The following FIGN variants were observed in gnomAD, a reference collection of about 807,000 sequenced individuals.
FIGN encodes the protein fidgetin, microtubule severing factor.
Under a neutral mutation model 51.3 loss-of-function variants are expected in FIGN, and 11 were observed. The ratio of observed to expected loss-of-function variants is 0.21; its 90% CI spans 0.13 to 0.35. The LOEUF (loss-of-function observed/expected upper bound fraction) is 0.35. FIGN is among the 10% of genes least tolerant of loss of function. FIGN has a pLI of 1.00. For missense variants in FIGN, 857 were observed against 943.6 expected (o/e 0.91, Z 1.20); for synonymous variants, 407 against 363.2 (o/e 1.12, Z -1.37).
At chr2:163,662,404 A>C (rs1683704417) in intron 2 of FIGN, among the ~76,000 whole-genome samples, 1 of 152,252 alleles carries the variant, frequency 6.6e-6, no homozygotes, top group African/African-American at 2.4e-5. Flanking sequence ...AAAAGTTCAG[A>C]AAATTTGCAG....
At chr2:163,671,627 C>T (rs939407995) in intron 2 of FIGN, among the ~76,000 whole-genome samples, 1 of 152,132 alleles carries the variant, frequency 6.6e-6, no homozygotes, top group Admixed American at 6.5e-5. Flanking sequence ...TACCCATAAA[C>T]ATTTTCCAGA....
intron 2 of FIGN, among the ~76,000 whole-genome samples, chr2:163,732,773 C>T (rs1381306731): frequency 6.6e-6 from 1 of 152,176 alleles, no homozygotes; most frequent in East Asian, 1.9e-4. Context: ...TCAAAAACAT[C>T]AAAGCAGCTT....
At chr2:163,725,242 A>G (rs988826732) in intron 2 of FIGN, among the ~76,000 whole-genome samples, 48 of 152,154 alleles carry the variant, frequency 3.2e-4, no homozygotes, top group Non-Finnish European at 5.3e-4. Context: ...TCTTGCAGAC[A>G]AATATCAAAA....
At chr2:163,724,066 G>T (rs1684800912) in intron 2 of FIGN, among the ~76,000 whole-genome samples, 1 of 152,144 alleles carries the variant, frequency 6.6e-6, no homozygotes, top group African/African-American at 2.4e-5. Flanking sequence ...AAAACTGCAA[G>T]AAATCTTAGT....
intron 2 of FIGN, among the ~76,000 whole-genome samples, chr2:163,622,399 G>A (rs1682988620): frequency 6.6e-6 from 1 of 152,014 alleles, no homozygotes; most frequent in African/African-American, 2.4e-5. Flanking sequence ...GCATAAAGAT[G>A]TTGTTACTTC....
At chr2:163,659,295 C>A (rs1399338217) in intron 2 of FIGN, among the ~76,000 whole-genome samples, 3 of 152,096 alleles carry the variant, frequency 2.0e-5, no homozygotes, top group African/African-American at 7.2e-5. Flanking sequence ...GCACACTGTT[C>A]TATTATCATT....
intron 2 of FIGN, among the ~76,000 whole-genome samples, chr2:163,670,193 T>A (rs1326088273): frequency 6.6e-6 from 1 of 152,188 alleles, no homozygotes; most frequent in Non-Finnish European, 1.5e-5. Flanking sequence ...AAATTTTAGC[T>A]GCCACAAAGC....
intron 2 of FIGN, among the ~76,000 whole-genome samples, chr2:163,723,604 G>C (rs2105364576): frequency 6.6e-6 from 1 of 152,220 alleles, no homozygotes; most frequent in East Asian, 1.9e-4. Flanking sequence ...AACATGCCAG[G>C]AAGCAAAAAG....
At chr2:163,733,863 T>C in intron 2 of FIGN, among the ~76,000 whole-genome samples, 1 of 151,934 alleles carries the variant, frequency 6.6e-6, no homozygotes, top group East Asian at 1.9e-4. Flanking sequence ...CACTGTTATT[T>C]CTTTTTTCAT....
intron 2 of FIGN, among the ~76,000 whole-genome samples, chr2:163,648,003 G>GACAGACAT (rs1322502246): frequency 6.6e-6 from 1 of 152,052 alleles, no homozygotes; most frequent in East Asian, 1.9e-4. Context: ...GAGAGACAAA[G>GACAGACAT]ACAGACATAC....
At chr2:163,641,022 C>CA (rs987960916) in intron 2 of FIGN, among the ~76,000 whole-genome samples, 5 of 152,196 alleles carry the variant, frequency 3.3e-5, no homozygotes, top group African/African-American at 1.2e-4. Context: ...TTTACTCTGT[C>CA]AGAGGCAGCT....
chr2:163,622,521 A>G (rs1157269022), intron 2 of FIGN, among the ~76,000 whole-genome samples: 1 of 151,838 alleles, frequency 6.6e-6, no homozygotes, highest in Admixed American at 6.6e-5. Context: ...ATTTTAGAAG[A>G]CGGGGATATT....
At chr2:163,652,058 A>AT (rs1337147658) in intron 2 of FIGN, among the ~76,000 whole-genome samples, 2 of 152,160 alleles carry the variant, frequency 1.3e-5, no homozygotes, top group African/African-American at 4.8e-5. Flanking sequence ...AACTTTGTTA[A>AT]TGACTACTTG....
intron 2 of FIGN, among the ~76,000 whole-genome samples, chr2:163,628,395 A>C (rs1023353308): frequency 6.6e-6 from 1 of 152,146 alleles, no homozygotes; most frequent in Non-Finnish European, 1.5e-5. Context: ...CAGGTTCTGG[A>C]AGCAGAGTGG....
chr2:163,628,257 A>G (rs1205170622), intron 2 of FIGN, among the ~76,000 whole-genome samples: 1 of 152,158 alleles, frequency 6.6e-6, no homozygotes, highest in Non-Finnish European at 1.5e-5. Flanking sequence ...GTGGCTATAC[A>G]GAGGAGCTAA....
Position 163,670,022 on chromosome 2 carries a change from A to G in FIGN, c.26-58216T>C, listed in dbSNP as rs547514867. The stretch of plus-strand genomic sequence containing the variant: ...TCAATGAAGTATCTAAATAAAAAAC[A>G]AGAATTAATATTACAAGATTTATGT... On this transcript the variant is annotated intron_variant, in intron 2 of 2. Transcript: ENST00000333129. 2.0e-5 allele frequency among the ~76,000 whole-genome samples: 3 copies of G among 152,328 alleles called. No homozygotes were observed. In the East Asian group the frequency reaches 5.8e-4, roughly 29 times the overall value.
intron 2 of FIGN, among the ~76,000 whole-genome samples, chr2:163,707,567 C>T (rs1397632421): frequency 6.6e-6 from 1 of 152,032 alleles, no homozygotes; most frequent in Non-Finnish European, 1.5e-5. Flanking sequence ...ACAACCAAAA[C>T]TAAGTCCATA....
intron 2 of FIGN, among the ~76,000 whole-genome samples, chr2:163,632,002 G>A (rs536447783): frequency 6.6e-6 from 1 of 152,172 alleles, no homozygotes; most frequent in South Asian, 2.1e-4. Context: ...ACAGAACTTA[G>A]CCAGGCATAG....
At chr2:163,630,148 T>C (rs1350535060) in intron 2 of FIGN, among the ~76,000 whole-genome samples, 2 of 151,488 alleles carry the variant, frequency 1.3e-5, no homozygotes, top group Non-Finnish European at 2.9e-5. Context: ...TTATTTTTTG[T>C]AGAAACGAGG....
Sources: allele counts gnomAD v4.1 joint callset (sites outside exome capture counted in the v4.1 genomes callset), GRCh38; gene constraint gnomAD v4.1.1; transcripts MANE v1.5; gene names NCBI Gene and HGNC (gene_info 2026-07-23, HGNC 2026-07-21).